CADM2: variants seen among roughly 807,000 people sequenced by gnomAD.
CADM2 encodes the protein immunoglobulin superfamily member 4D.
Under a neutral mutation model 49.8 loss-of-function variants are expected in CADM2, and 12 were observed. The ratio of observed to expected loss-of-function variants is 0.24; its 90% CI spans 0.15 to 0.39. CADM2 has a LOEUF of 0.39. Among genes scored for constraint, CADM2 ranks in the 10% least tolerant of loss-of-function variants. The pLI is 1.00. For synonymous variants in CADM2, 214 were observed against 175.4 expected, an observed-to-expected ratio of 1.22 and a Z score of -1.74; for missense variants, 378 against 492.3, an observed-to-expected ratio of 0.77 and a Z score of 2.20.
At chr3:85,863,772 G>A (rs2075624244) in intron 3 of CADM2, among the ~76,000 whole-genome samples, 1 of 152,162 alleles carries the variant, frequency 6.6e-6, no homozygotes, top group South Asian at 2.1e-4. Context: ...CCCCTAAACA[G>A]CACTTGATAA....
At chr3:85,885,045 T>C (rs1216429522) in intron 4 of CADM2, among the ~76,000 whole-genome samples, 1 of 151,932 alleles carries the variant, frequency 6.6e-6, no homozygotes, top group African/African-American at 2.4e-5. Flanking sequence ...ATAATATTCT[T>C]TTTAAGCTTT....
intron 1 of CADM2, among the ~76,000 whole-genome samples, chr3:85,464,304 C>CT (rs2038390793): frequency 6.6e-6 from 1 of 152,084 alleles, no homozygotes; most frequent in Admixed American, 6.6e-5. Context: ...CAATCTAAAA[C>CT]TTTGTTTTCC....
chr3:85,617,601 T>A (rs1319838382), intron 1 of CADM2, among the ~76,000 whole-genome samples: 1 of 152,164 alleles, frequency 6.6e-6, no homozygotes, highest in Non-Finnish European at 1.5e-5. Flanking sequence ...CTGTTGTTGA[T>A]CAGCTTAATC....
intron 8 of CADM2, among the ~76,000 whole-genome samples, chr3:85,995,628 A>G (rs1729286315): frequency 6.6e-6 from 1 of 152,188 alleles, no homozygotes; most frequent in African/African-American, 2.4e-5. Flanking sequence ...TACACTATTT[A>G]TTTCTATAAG....
At chr3:85,406,808 G>C (rs1284568103) in intron 1 of CADM2, among the ~76,000 whole-genome samples, 2 of 151,626 alleles carry the variant, frequency 1.3e-5, no homozygotes, top group Non-Finnish European at 2.9e-5. Flanking sequence ...ACCACCTCTT[G>C]ACTGCTGCTT....
intron 6 of CADM2, among the ~76,000 whole-genome samples, chr3:85,919,236 C>T (rs567519539): frequency 8.0e-4 from 122 of 151,944 alleles, no homozygotes; most frequent in Non-Finnish European, 1.5e-3. Flanking sequence ...CTTCTTTTAA[C>T]AGTACTAGGC....
At chr3:85,932,687 T>C (rs1224715445) in intron 6 of CADM2, among the ~76,000 whole-genome samples, 1 of 152,172 alleles carries the variant, frequency 6.6e-6, no homozygotes, top group East Asian at 1.9e-4. Context: ...GGAAGATAAT[T>C]ATTTAAATCT....
At chr3:85,090,285 T>C (rs2037545764) in intron 1 of CADM2, among the ~76,000 whole-genome samples, 1 of 152,166 alleles carries the variant, frequency 6.6e-6, no homozygotes, top group Non-Finnish European at 1.5e-5. Context: ...ATTATGTTAG[T>C]ATATTTTTCA....
intron 8 of CADM2, among the ~76,000 whole-genome samples, chr3:85,990,452 C>A (rs1018431506): frequency 6.6e-6 from 1 of 152,072 alleles, no homozygotes; most frequent in Non-Finnish European, 1.5e-5. Flanking sequence ...CTGGACATAA[C>A]GCCATCATAA....
intron 1 of CADM2, among the ~76,000 whole-genome samples, chr3:85,569,701 C>G (rs373629444): frequency 2.6e-5 from 3 of 114,746 alleles, no homozygotes; most frequent in Non-Finnish European, 3.3e-5. Flanking sequence ...TTTCTAATGG[C>G]AAAAAAAAAA....
chr3:85,144,585 C>T (rs1176236123), intron 1 of CADM2, among the ~76,000 whole-genome samples: 2 of 144,194 alleles, frequency 1.4e-5, no homozygotes, highest in African/African-American at 2.7e-5. Flanking sequence ...GCACTCCTGC[C>T]TGGGTGACAG....
chr3:85,234,749 C>T (rs182213489), intron 1 of CADM2, among the ~76,000 whole-genome samples: 1 of 152,206 alleles, frequency 6.6e-6, no homozygotes, highest in East Asian at 1.9e-4. Flanking sequence ...ATTTCTCTCT[C>T]CAGAGTAGTA....
rs576251374 is a variant in CADM2, at chr3:84,962,676, A to G, written c.61+3008A>G. Among the ~76,000 whole-genome samples the G allele has an allele frequency of 9.1e-4, 138 of 152,312 alleles. 5 individuals carry two copies. In the South Asian group the frequency reaches 0.028, roughly 31 times the overall value. ...TGCTAGTAGTTATGACTAGGCAAATACTATAGTCAGTCATTAGCTTCTTTT... is the reference window on the plus strand; with the variant it reads ...TGCTAGTAGTTATGACTAGGCAAATGCTATAGTCAGTCATTAGCTTCTTTT... On this transcript the variant is annotated intron_variant, in intron 1 of 9. Transcript: ENST00000383699.
At chr3:85,497,487 AG>A (rs2039953839) in intron 1 of CADM2, among the ~76,000 whole-genome samples, 2 of 152,162 alleles carry the variant, frequency 1.3e-5, no homozygotes, top group Admixed American at 1.3e-4. Flanking sequence ...TTGATGAAAA[AG>A]ATGAATATAA....
At chr3:86,003,055 T>A (rs1306024830) in intron 8 of CADM2, among the ~76,000 whole-genome samples, 1 of 152,188 alleles carries the variant, frequency 6.6e-6, no homozygotes, top group Non-Finnish European at 1.5e-5. Context: ...GTTGTTCATG[T>A]TTAGTGAACA....
At chr3:85,924,540 C>T (rs1227519688) in intron 6 of CADM2, among the ~76,000 whole-genome samples, 1 of 151,170 alleles carries the variant, frequency 6.6e-6, no homozygotes, top group Non-Finnish European at 1.5e-5. Context: ...TGCAGTGAGC[C>T]GAGATGGCAC....
At chr3:86,015,708 T>A (rs1732137443) in intron 8 of CADM2, among the ~76,000 whole-genome samples, 1 of 152,328 alleles carries the variant, frequency 6.6e-6, no homozygotes, top group Middle Eastern at 3.4e-3. Flanking sequence ...TTGTTCTACA[T>A]CTCATTGTTG....
chr3:86,004,190 A>G (rs1057162327), intron 8 of CADM2, among the ~76,000 whole-genome samples: 6 of 152,152 alleles, frequency 3.9e-5, no homozygotes, highest in Non-Finnish European at 7.4e-5. Context: ...TTATACCTTT[A>G]TTTTTTAATG....
chr3:84,974,622 A>C (rs2031690887), intron 1 of CADM2, among the ~76,000 whole-genome samples: 1 of 151,972 alleles, frequency 6.6e-6, no homozygotes, highest in African/African-American at 2.4e-5. Context: ...TCATACAAGA[A>C]GTGCATTAAG....
Sources: gnomAD v4.1 joint callset for allele counts (sites outside exome capture counted in the v4.1 genomes callset) on GRCh38, gnomAD v4.1.1 for gene constraint, MANE v1.5 for transcripts, NCBI Gene and HGNC (gene_info 2026-07-23, HGNC 2026-07-21) for gene names.